Variants in PIGN observed in about 807,000 individuals in gnomAD.
PIGN encodes GPI ethanolamine phosphate transferase 1.
A neutral mutation model predicts 125.4 loss-of-function variants in PIGN; 117 were observed. The ratio of observed to expected loss-of-function variants is 0.93; its 90% CI spans 0.80 to 1.09. The LOEUF is 1.09. PIGN is among the 50% of genes least tolerant of loss of function. PIGN has a pLI of 0.00. For synonymous variants in PIGN, 392 were observed against 377.8 expected, an observed-to-expected ratio of 1.04 and a Z score of -0.44; for missense variants, 1,075 against 1,094.9, an observed-to-expected ratio of 0.98 and a Z score of 0.26.
At chr18:62,069,789 C>G (rs1206575756) in intron 30 of PIGN, 1 of 152,028 alleles carries the variant, frequency 6.6e-6, no homozygotes, top group Non-Finnish European at 1.5e-5. Flanking sequence ...AGTTGCACAA[C>G]CATGTGAATG....
chr18:62,057,054 T>C (rs2031784527), intron 30 of PIGN, among the ~76,000 whole-genome samples: 1 of 152,142 alleles, frequency 6.6e-6, no homozygotes, highest in African/African-American at 2.4e-5. Context: ...ACGAAACTGG[T>C]CCCTGGTGCC....
At chr18:62,046,572 C>T (rs758782438) in intron 30 of PIGN, among the ~76,000 whole-genome samples, 2 of 151,288 alleles carry the variant, frequency 1.3e-5, no homozygotes, top group African/African-American at 4.8e-5. Flanking sequence ...CTCACCCCCA[C>T]ATACACAGCG....
At chr18:62,163,415 C>T (rs2037024372) in intron 2 of PIGN, 116 bp downstream of exon 2, 1 of 152,134 alleles carries the variant, frequency 6.6e-6, no homozygotes, top group African/African-American at 2.4e-5. Context: ...ACCTTTGTGG[C>T]ACATGGTATT....
At chr18:62,031,991 C>A (rs1335063395) in intron 23 of PIGN, among the ~76,000 whole-genome samples, 1 of 152,168 alleles carries the variant, frequency 6.6e-6, no homozygotes, top group East Asian at 1.9e-4. Flanking sequence ...TCTGGTGACT[C>A]CAGGTGTTCC....
At chr18:62,158,687 G>T (rs2036829967) in intron 4 of PIGN, among the ~76,000 whole-genome samples, 1 of 152,120 alleles carries the variant, frequency 6.6e-6, no homozygotes. Flanking sequence ...ACATTCTAAA[G>T]AAAAATATTT....
intron 8 of PIGN, 72 bp from the exon 9 acceptor site, chr18:62,147,173 T>C (rs1050132182): frequency 2.0e-6 from 3 of 1,469,176 alleles, no homozygotes; most frequent in Non-Finnish European, 2.7e-6. Context: ...GTGGATTCAT[T>C]ACATTCAAAA....
chr18:62,072,602 A>G, intron 30 of PIGN, 71 bp downstream of exon 30: 1 of 1,208,232 alleles, frequency 8.3e-7, no homozygotes, highest in African/African-American at 1.5e-5. Context: ...CACAGTGAAG[A>G]AATTGCCTAA....
chr18:62,185,098 A>G (rs530664402), intron 1 of PIGN, among the ~76,000 whole-genome samples: 225 of 152,312 alleles, frequency 1.5e-3, no homozygotes, highest in African/African-American at 5.3e-3. Context: ...CAATTTCCCA[A>G]TCATGGAGAT....
chr18:62,180,610 T>C (rs2037683221), intron 1 of PIGN, among the ~76,000 whole-genome samples: 1 of 152,166 alleles, frequency 6.6e-6, no homozygotes, highest in Non-Finnish European at 1.5e-5. Flanking sequence ...GAAAATTTTT[T>C]CATGTTTTTA....
chr18:62,169,598 G>C (rs375371677), intron 1 of PIGN, among the ~76,000 whole-genome samples: 19 of 151,930 alleles, frequency 1.3e-4, no homozygotes, highest in Admixed American at 6.6e-4. Flanking sequence ...AAAATGGCTA[G>C]GTCAAATTGT....
chr18:62,085,628 A>C (rs1246360507), intron 25 of PIGN, among the ~76,000 whole-genome samples: 1 of 152,210 alleles, frequency 6.6e-6, no homozygotes, highest in Non-Finnish European at 1.5e-5. Flanking sequence ...TGAGAGACAC[A>C]GTTATAGTCT....
At chr18:62,090,904 A>G (rs1355674008) in intron 23 of PIGN, among the ~76,000 whole-genome samples, 1 of 152,204 alleles carries the variant, frequency 6.6e-6, no homozygotes, top group East Asian at 1.9e-4. Context: ...CTTGAGGTAA[A>G]ATTATTAACA....
intron 28 of PIGN, among the ~76,000 whole-genome samples, chr18:62,082,004 T>C (rs1256854661): frequency 6.6e-6 from 1 of 152,148 alleles, no homozygotes; most frequent in African/African-American, 2.4e-5. Flanking sequence ...GATTCAAGAA[T>C]AACAAAACTG....
At chr18:62,037,521 C>A (rs980583663), downstream of PIGN, among the ~76,000 whole-genome samples, 7 of 152,212 alleles carry the variant, frequency 4.6e-5, no homozygotes, top group African/African-American at 1.7e-4. Flanking sequence ...GCAGCACAAC[C>A]ACTGCCTCTT....
chr18:62,096,013 G>A (rs1367408353), intron 22 of PIGN, 63 bp from the exon 23 acceptor site: 9 of 1,030,242 alleles, frequency 8.7e-6, no homozygotes, highest in Non-Finnish European at 1.2e-5. Context: ...GTTAGCGTAG[G>A]GCCGGGCGTG....
At chr18:62,080,109 T>A (rs1214008152) in intron 28 of PIGN, among the ~76,000 whole-genome samples, 1 of 152,210 alleles carries the variant, frequency 6.6e-6, no homozygotes, top group Non-Finnish European at 1.5e-5. Context: ...GGCTGCTAGA[T>A]CACATTGTTG....
intron 30 of PIGN, among the ~76,000 whole-genome samples, chr18:62,059,844 G>A (rs970270518): frequency 6.6e-6 from 1 of 152,138 alleles, no homozygotes; most frequent in Admixed American, 6.6e-5. Context: ...AAGCTGTTAA[G>A]AATAAAAACA....
chr18:62,107,718 A>G (rs552773994), intron 17 of PIGN: 1 of 152,372 alleles, frequency 6.6e-6, no homozygotes, highest in East Asian at 1.9e-4. Flanking sequence ...TACAACATCA[A>G]TATAAAACAC....
chr18:62,024,626 T>C, intron 23 of PIGN, among the ~76,000 whole-genome samples: 1 of 152,180 alleles, frequency 6.6e-6, no homozygotes, highest in East Asian at 1.9e-4. Context: ...CCCCCTTGTT[T>C]CTTTCTACCT....
Sources: allele counts gnomAD v4.1 joint callset (sites outside exome capture counted in the v4.1 genomes callset), GRCh38; gene constraint gnomAD v4.1.1; transcripts MANE v1.5; gene names NCBI Gene and HGNC (gene_info 2026-07-23, HGNC 2026-07-21).